The following FRMD4A variants were observed in gnomAD, a reference collection of about 807,000 sequenced individuals.
FRMD4A encodes the protein FERM domain-containing protein 4A.
In FRMD4A, 29 loss-of-function variants were observed where a neutral mutation model predicts 129.1. The ratio of observed to expected loss-of-function variants is 0.22; its 90% confidence interval spans 0.17 to 0.31. The LOEUF (loss-of-function observed/expected upper bound fraction) is 0.31. FRMD4A is among the 10% of genes least tolerant of loss of function. The probability of loss-of-function intolerance (pLI) is 1.00; values close to 1 mark genes in which losing one functional copy is unlikely to be tolerated. For synonymous variants in FRMD4A, 634 were observed against 571.6 expected, an observed-to-expected ratio of 1.11 and a Z score of -1.56; for missense variants, 1,272 against 1,375.8, an observed-to-expected ratio of 0.92 and a Z score of 1.19.
At chr10:14,277,318 T>C (rs1845376068) in intron 2 of FRMD4A, among the ~76,000 whole-genome samples, 1 of 152,198 alleles carries the variant, frequency 6.6e-6, no homozygotes, top group Non-Finnish European at 1.5e-5. Flanking sequence ...GTGGAAATCC[T>C]CACCTGCAAG....
intron 2 of FRMD4A, among the ~76,000 whole-genome samples, chr10:14,058,102 A>G (rs1331910980): frequency 6.6e-6 from 1 of 152,168 alleles, no homozygotes; most frequent in Non-Finnish European, 1.5e-5. Flanking sequence ...GGTTCCTCCA[A>G]TGAGTAGAAC....
At chr10:14,262,582 C>T (rs925233775) in intron 2 of FRMD4A, among the ~76,000 whole-genome samples, 2 of 152,182 alleles carry the variant, frequency 1.3e-5, no homozygotes, top group South Asian at 4.1e-4. Context: ...ACTGCGCTCA[C>T]CTCATTCTCC....
At chr10:13,859,778 T>C (rs2094267713) in intron 2 of FRMD4A, among the ~76,000 whole-genome samples, 2 of 152,084 alleles carry the variant, frequency 1.3e-5, no homozygotes, top group Admixed American at 6.6e-5. Context: ...TCACCAATAA[T>C]AGAAAAGCAC....
intron 2 of FRMD4A, among the ~76,000 whole-genome samples, chr10:14,201,481 A>G (rs80146724): frequency 0.045 from 6,834 of 152,254 alleles, 246 homozygotes; most frequent in Non-Finnish European, 0.067. Flanking sequence ...GGGGGGAAAT[A>G]ATACAGACTC....
chr10:13,986,748 G>C (rs917575613), intron 2 of FRMD4A, among the ~76,000 whole-genome samples: 1 of 150,994 alleles, frequency 6.6e-6, no homozygotes, highest in Non-Finnish European at 1.5e-5. Context: ...TGATTTTATT[G>C]GTCTGGGGGA....
intron 2 of FRMD4A, among the ~76,000 whole-genome samples, chr10:13,875,367 A>G (rs140549984): frequency 3.3e-5 from 5 of 152,318 alleles, no homozygotes; most frequent in African/African-American, 9.6e-5. Flanking sequence ...CTGCAAAGTG[A>G]TATTAAAGTA....
At chr10:13,886,528 C>T (rs1169560683) in intron 2 of FRMD4A, among the ~76,000 whole-genome samples, 3 of 152,178 alleles carry the variant, frequency 2.0e-5, no homozygotes, top group Non-Finnish European at 2.9e-5. Flanking sequence ...GCCTAACAAG[C>T]GACACTGTGC....
intron 2 of FRMD4A, among the ~76,000 whole-genome samples, chr10:14,031,208 G>A (rs1833225843): frequency 6.6e-6 from 1 of 152,066 alleles, no homozygotes; most frequent in Non-Finnish European, 1.5e-5. Flanking sequence ...GTTTGCTAGG[G>A]TTCAAATACA....
At chr10:14,024,506 T>C (rs1832902110) in intron 2 of FRMD4A, among the ~76,000 whole-genome samples, 1 of 152,162 alleles carries the variant, frequency 6.6e-6, no homozygotes, top group South Asian at 2.1e-4. Context: ...GGCGTCAAAT[T>C]TGATCACAAG....
At chr10:14,329,026 A>G (rs1177000080) in intron 2 of FRMD4A, among the ~76,000 whole-genome samples, 2 of 152,136 alleles carry the variant, frequency 1.3e-5, no homozygotes, top group Non-Finnish European at 2.9e-5. Flanking sequence ...AAGAACCAAG[A>G]TATCTGTTCC....
intron 2 of FRMD4A, among the ~76,000 whole-genome samples, chr10:13,937,138 C>A (rs534911634): frequency 6.6e-6 from 1 of 152,286 alleles, no homozygotes; most frequent in African/African-American, 2.4e-5. Flanking sequence ...TTTTGTTGGG[C>A]AATCCCCTTT....
intron 2 of FRMD4A, among the ~76,000 whole-genome samples, chr10:14,242,713 C>T (rs943683644): frequency 1.8e-4 from 27 of 152,128 alleles, no homozygotes; most frequent in African/African-American, 6.0e-4. Context: ...TAATCTGAAA[C>T]GAAACAACTA....
chr10:14,215,710 G>A (rs1453360298), intron 2 of FRMD4A, among the ~76,000 whole-genome samples: 1 of 152,046 alleles, frequency 6.6e-6, no homozygotes, highest in African/African-American at 2.4e-5. Context: ...GGATCTTGGG[G>A]GAAGCCTAGA....
chr10:14,198,946 G>C (rs1242084215), intron 2 of FRMD4A, among the ~76,000 whole-genome samples: 1 of 152,074 alleles, frequency 6.6e-6, no homozygotes, highest in Non-Finnish European at 1.5e-5. Context: ...ACTCAGTAGA[G>C]GGCTTGTCAT....
intron 2 of FRMD4A, among the ~76,000 whole-genome samples, chr10:14,136,191 C>A (rs1195605285): frequency 5.3e-5 from 8 of 152,076 alleles, no homozygotes; most frequent in Non-Finnish European, 1.2e-4. Context: ...AAATAAATCT[C>A]GGGACCCCAT....
intron 6 of FRMD4A, among the ~76,000 whole-genome samples, chr10:13,782,646 G>A (rs1003248898): frequency 7.9e-5 from 12 of 151,990 alleles, no homozygotes; most frequent in Non-Finnish European, 1.2e-4. Context: ...GTTTCACCAC[G>A]TTGGCCAGGA....
rs909326525 is a variant in FRMD4A, at chr10:13,966,174, C to T, written c.46-107262G>A. 3.3e-5 allele frequency among the ~76,000 whole-genome samples: 5 copies of T among 152,218 alleles called. No homozygotes were observed. The East Asian group carries it at 5.8e-4, about 18-fold the overall frequency. On this transcript the variant is annotated intron_variant, in intron 2 of 24. Transcript: ENST00000357447. ...AGCTGGGATTACAGGTGCCCGCCATCGTACCTGGCTAATTTTTTTTGTATT... is the reference window on the plus strand; with the variant it reads ...AGCTGGGATTACAGGTGCCCGCCATTGTACCTGGCTAATTTTTTTTGTATT...
At chr10:13,988,709 T>C (rs1035264684) in intron 2 of FRMD4A, among the ~76,000 whole-genome samples, 6 of 152,200 alleles carry the variant, frequency 3.9e-5, no homozygotes, top group African/African-American at 1.4e-4. Context: ...GATGGATGGA[T>C]AGATAGATGG....
Position 14,225,836 on chromosome 10 carries a change from C to A in FRMD4A, c.45+104222G>T, listed in dbSNP as rs528255882. 4.6e-5 allele frequency among the ~76,000 whole-genome samples: 7 copies of A among 152,240 alleles called. No homozygotes were observed. In the East Asian group the frequency reaches 1.4e-3, roughly 29 times the overall value. Reference sequence around the variant, plus strand: ...TTCTCCTGATACATGAATAAACTGGCGTTTGGGTTCTAGATATTGTTGCTC... The same window carrying A: ...TTCTCCTGATACATGAATAAACTGGAGTTTGGGTTCTAGATATTGTTGCTC... On this transcript the variant is annotated intron_variant, in intron 2 of 24. Coordinates refer to ENST00000357447, the MANE Select transcript of FRMD4A (RefSeq NM_018027.5).
Sources: allele counts gnomAD v4.1 joint callset (sites outside exome capture counted in the v4.1 genomes callset), GRCh38; gene constraint gnomAD v4.1.1; transcripts MANE v1.5; gene names NCBI Gene and HGNC (gene_info 2026-07-23, HGNC 2026-07-21).